The following THRB variants were observed in gnomAD, a reference collection of about 807,000 sequenced individuals.
THRB encodes thyroid hormone receptor beta, also known as nuclear receptor subfamily 1 group A member 2.
THRB carries 12 observed loss-of-function variants against 47.8 expected under a neutral mutation model. The observed-to-expected ratio is 0.25, with a 90% CI of 0.16 to 0.41. The LOEUF is 0.41. Ranked by LOEUF, THRB falls within the 10% of genes least tolerant of loss-of-function variation. The pLI is 1.00. For missense variants in THRB, 348 were observed against 589.2 expected (o/e 0.59, Z 4.24); for synonymous variants, 218 against 212.2 (o/e 1.03, Z -0.24).
intron 3 of THRB, among the ~76,000 whole-genome samples, chr3:24,280,573 C>A (rs569630158): frequency 4.6e-5 from 7 of 152,196 alleles, no homozygotes; most frequent in Non-Finnish European, 7.3e-5. Context: ...AGCAACAGAA[C>A]AAAGCTGGAC....
intron 10 of THRB, among the ~76,000 whole-genome samples, chr3:24,123,688 C>A (rs1001060115): frequency 1.3e-5 from 2 of 152,092 alleles, no homozygotes; most frequent in Non-Finnish European, 2.9e-5. Flanking sequence ...TTCCCTTATG[C>A]CTTTAGTAAA....
intron 1 of THRB, among the ~76,000 whole-genome samples, chr3:24,395,020 T>C (rs2066853731): frequency 6.6e-6 from 1 of 152,090 alleles, no homozygotes; most frequent in African/African-American, 2.4e-5. Context: ...ATGAAGTTTG[T>C]CACATTGATG....
At chr3:24,343,510 T>G (rs2062813894) in intron 1 of THRB, among the ~76,000 whole-genome samples, 1 of 152,230 alleles carries the variant, frequency 6.6e-6, no homozygotes, top group South Asian at 2.1e-4. Context: ...AACATCCATC[T>G]GTTATTCTTT....
intron 3 of THRB, among the ~76,000 whole-genome samples, chr3:24,271,321 G>A (rs975454871): frequency 1.3e-5 from 2 of 152,074 alleles, no homozygotes; most frequent in Admixed American, 6.6e-5. Flanking sequence ...TATCTCTCAG[G>A]ATCAGCAGCT....
At chr3:24,276,741 G>A (rs2053954185) in intron 3 of THRB, among the ~76,000 whole-genome samples, 1 of 152,220 alleles carries the variant, frequency 6.6e-6, no homozygotes, top group African/African-American at 2.4e-5. Flanking sequence ...TAACAGACGT[G>A]GAGTAAGTGT....
At chr3:24,346,542 T>A (rs1049202032) in intron 1 of THRB, among the ~76,000 whole-genome samples, 3 of 151,918 alleles carry the variant, frequency 2.0e-5, no homozygotes, top group African/African-American at 7.2e-5. Context: ...ATTTTTTAAA[T>A]CCCAGTTAAA....
intron 3 of THRB, among the ~76,000 whole-genome samples, chr3:24,266,617 G>A (rs1360775809): frequency 1.3e-5 from 2 of 152,112 alleles, no homozygotes; most frequent in East Asian, 1.9e-4. Flanking sequence ...AAGGGACTCG[G>A]GTTTAGCACA....
At chr3:24,389,304 G>A (rs2149948036) in intron 1 of THRB, among the ~76,000 whole-genome samples, 1 of 152,270 alleles carries the variant, frequency 6.6e-6, no homozygotes, top group African/African-American at 2.4e-5. Flanking sequence ...CTGCCGGTGT[G>A]TAGGTAAATG....
rs574582935 is a variant in THRB at position 24,396,012 on chromosome 3, A to G, written c.-260-58641T>C. Reference sequence around the variant, plus strand: ...GTGGGAGAAATGGGGACTGACTGCTAGTGGATTTCTTTTTGAGGTGATGAA... The same window carrying G: ...GTGGGAGAAATGGGGACTGACTGCTGGTGGATTTCTTTTTGAGGTGATGAA... On this transcript the variant is annotated intron_variant, in intron 1 of 10. Transcript: ENST00000646209. 3.3e-5 allele frequency among the ~76,000 whole-genome samples: 5 copies of G among 152,172 alleles called. No individual in the cohort carries two copies. In the East Asian group the frequency reaches 9.7e-4, roughly 29 times the overall value.
intron 1 of THRB, among the ~76,000 whole-genome samples, chr3:24,491,084 G>T (rs905206301): frequency 3.9e-5 from 6 of 152,128 alleles, no homozygotes; most frequent in Non-Finnish European, 5.9e-5. Flanking sequence ...ATCCTTACAA[G>T]TTTAATGCAT....
rs1413002169 is a variant in THRB at position 24,143,714 on chromosome 3, G to C, written c.533-8C>G. ...TGCTGTCATCCAGCACCACTGGGAGGGGGAGAAAGATGAGACAAGGCACAC... is the reference window on the plus strand; with the variant it reads ...TGCTGTCATCCAGCACCACTGGGAGCGGGAGAAAGATGAGACAAGGCACAC... On this transcript the variant is annotated splice_region_variant and splice_polypyrimidine_tract_variant and intron_variant, in intron 7 of 10. Coordinates refer to ENST00000646209, the MANE Select transcript of THRB (RefSeq NM_001354712.2). 6.2e-7 allele frequency: 1 copy of C among 1,613,996 alleles called. No homozygotes were observed. Among genetic ancestry groups the C allele is most frequent in the Admixed American group, 1.7e-5 (1 of 60,014 alleles).
intron 1 of THRB, among the ~76,000 whole-genome samples, chr3:24,424,929 C>T (rs2069609914): frequency 6.6e-6 from 1 of 151,882 alleles, no homozygotes; most frequent in Non-Finnish European, 1.5e-5. Context: ...CTATTTCACA[C>T]ACTGCATCTT....
intron 1 of THRB, among the ~76,000 whole-genome samples, chr3:24,362,431 C>T (rs969937228): frequency 1.3e-5 from 2 of 152,160 alleles, no homozygotes; most frequent in African/African-American, 4.8e-5. Flanking sequence ...TTCCTGTCAC[C>T]TTCTCAGTGA....
intron 2 of THRB, among the ~76,000 whole-genome samples, chr3:24,316,979 T>C (rs1213975359): frequency 6.6e-6 from 1 of 152,228 alleles, no homozygotes; most frequent in Non-Finnish European, 1.5e-5. Context: ...CTCCTCAGGT[T>C]AACATTGCAT....
At chr3:24,203,669 G>A (rs2044878760) in intron 4 of THRB, among the ~76,000 whole-genome samples, 1 of 152,154 alleles carries the variant, frequency 6.6e-6, no homozygotes, top group African/African-American at 2.4e-5. Flanking sequence ...GCAGGAGAGT[G>A]GGTGCAGCCC....
chr3:24,455,919 T>C (rs1014765209), intron 1 of THRB, among the ~76,000 whole-genome samples: 1 of 152,214 alleles, frequency 6.6e-6, no homozygotes, highest in African/African-American at 2.4e-5. Context: ...TTCTCTGAAA[T>C]ATATTTTTAA....
At chr3:24,474,242 A>C (rs1577850338) in intron 1 of THRB, among the ~76,000 whole-genome samples, 1 of 152,352 alleles carries the variant, frequency 6.6e-6, no homozygotes, top group South Asian at 2.1e-4. Flanking sequence ...AATAACATTA[A>C]CATATCTTCA....
intron 1 of THRB, among the ~76,000 whole-genome samples, chr3:24,435,457 G>T (rs1421738684): frequency 6.6e-6 from 1 of 152,134 alleles, no homozygotes; most frequent in Non-Finnish European, 1.5e-5. Flanking sequence ...TGGTCCGGTA[G>T]GTAAAGGACA....
At chr3:24,186,738 G>A (rs2042613967) in intron 5 of THRB, among the ~76,000 whole-genome samples, 1 of 152,030 alleles carries the variant, frequency 6.6e-6, no homozygotes. Context: ...CTGAGCTCAG[G>A]AGTTTGAGAC....
Sources: allele counts gnomAD v4.1 joint callset (sites outside exome capture counted in the v4.1 genomes callset), GRCh38; gene constraint gnomAD v4.1.1; transcripts MANE v1.5; gene names NCBI Gene and HGNC (gene_info 2026-07-23, HGNC 2026-07-21).